Variants in NUDT12 observed in about 807,000 individuals in gnomAD.
NUDT12 encodes NAD-capped RNA hydrolase NUDT12.
NUDT12 carries 42 observed loss-of-function variants against 45.7 expected under a neutral mutation model. The observed-to-expected ratio is 0.92, with a 90% CI of 0.72 to 1.19. The LOEUF (loss-of-function observed/expected upper bound fraction) is 1.19. Among genes scored for constraint, NUDT12 ranks in the 50% most tolerant of loss-of-function variants. The pLI is 0.00. For missense variants in NUDT12, 590 were observed against 533.1 expected (o/e 1.11, Z -1.05); for synonymous variants, 206 against 179.7 (o/e 1.15, Z -1.17).
chr5:103,562,229 C>T (rs1475462399), intron 1 of NUDT12, among the ~76,000 whole-genome samples: 1 of 152,112 alleles, frequency 6.6e-6, no homozygotes, highest in Non-Finnish European at 1.5e-5. Context: ...TCCGCATGCT[C>T]ACACAGACCG....
chr5:103,554,871 CAGATACAT>C lies in NUDT12; in HGVS notation c.965-26_965-19del. 1.1e-6 allele frequency: 1 copy of C among 895,398 alleles called. No homozygotes were observed. Among genetic ancestry groups the C allele is most frequent in the Non-Finnish European group, 1.7e-6 (1 of 583,300 alleles). 55.5% of individuals were successfully genotyped at this position (895,398 alleles called of 1,614,324 possible). A position where few individuals can be genotyped will look rare whatever the true frequency, so the allele number is the denominator to read the frequency against. On this transcript the variant is annotated intron_variant, in intron 4 of 6. Transcript: ENST00000230792. ...TACTGGATCTGTTGAAAAAAAAAAT[CAGATACAT>C]GAATGGCAGGAAAAACGAATTTAGA...
intron 3 of NUDT12, among the ~76,000 whole-genome samples, chr5:103,556,945 G>A (rs372597820): frequency 7.2e-5 from 11 of 151,868 alleles, no homozygotes; most frequent in Non-Finnish European, 1.2e-4. Context: ...ACAACATTAC[G>A]TTTTTGCCTG....
At chr5:103,551,456 G>A (rs1748651627) in intron 6 of NUDT12, among the ~76,000 whole-genome samples, 1 of 152,114 alleles carries the variant, frequency 6.6e-6, no homozygotes, top group African/African-American at 2.4e-5. Flanking sequence ...TTGCTTCACT[G>A]AGTAAGTGAT....
In NUDT12 at chr5:103,549,120, A is replaced by T. The variant is rs1467285582; in HGVS notation, c.*1741T>A. On this transcript the variant is annotated 3_prime_UTR_variant, in exon 7 of 7. Coordinates refer to ENST00000230792, the MANE Select transcript of NUDT12 (RefSeq NM_031438.4). The stretch of plus-strand genomic sequence containing the variant: ...TATTCTACTTTCCTATTTTAACATT[A>T]TGAAAACCTGGAATTTTACAATGTA... 3 of 152,132 alleles carry T rather than the reference A, an allele frequency of 2.0e-5. No homozygotes were observed. The highest frequency in any genetic ancestry group is 2.9e-5 in the Non-Finnish European group (2 of 67,958). The allele number at this position is 152,132 out of a possible 1,614,324, so 9.4% of individuals were successfully genotyped here. A position where few individuals can be genotyped will look rare whatever the true frequency, so the allele number is the denominator to read the frequency against.
At position 103,560,150 on chromosome 5, in the gene NUDT12, A is replaced by G; in HGVS notation, c.99T>C (p.Ser33=). ...GDIAKLTGIL[S]HSPSLLNETS... ...TTTCATTGAGAAGAGATGGAGAATG[A>G]CTGAGTATTCCTGTTAACTTGGCAA... The change falls in exon 2 of 7, where the codon AGT becomes AGC. Residue 33 remains serine (S), a synonymous_variant. Coordinates refer to ENST00000230792, the MANE Select transcript of NUDT12 (RefSeq NM_031438.4). 6.2e-7 allele frequency: 1 copy of G among 1,613,542 alleles called. No individual in the cohort carries two copies. The highest frequency in any genetic ancestry group is 1.1e-5 in the South Asian group (1 of 91,070).
rs1288284873 is a variant in NUDT12, at chr5:103,556,009, C to G, written c.886G>C (p.Gly296Arg). 1 of 1,611,552 alleles carries G rather than the reference C, an allele frequency of 6.2e-7. No individual in the cohort carries two copies. Among genetic ancestry groups the G allele is most frequent in the African/African-American group, 1.3e-5 (1 of 74,770 alleles). Residue 296 changes from glycine to arginine, a missense_variant, in exon 4 of 7, where the codon GGT (glycine) becomes CGT (arginine). By Grantham distance (125) the Gly-to-Arg change is moderately radical. Coordinates refer to ENST00000230792, the MANE Select transcript of NUDT12 (RefSeq NM_031438.4). Reference protein sequence around the residue: ...TCGNATKIEEGGYKRLCLKED... With the variant: ...TCGNATKIEERGYKRLCLKED... ...TTTAAACATAATCTCTTATAGCCAC[C>G]TTCTTCAATTTTAGTTGCATTTCCA...
Position 103,550,613 on chromosome 5 carries a change from AAAG to A in NUDT12, c.*245_*247del. ...TGTGAGATAAAACTGTGAAGGAAGAAAAGAAACCAAGAGAGAAAAAGTTCAGAG... is the reference window on the plus strand; with the variant it reads ...TGTGAGATAAAACTGTGAAGGAAGAAAAACCAAGAGAGAAAAAGTTCAGAG... On this transcript the variant is annotated 3_prime_UTR_variant, in exon 7 of 7. Transcript: ENST00000230792. The A allele has an allele frequency of 3.3e-6, 1 of 305,046 alleles. No individual in the cohort carries two copies. The highest frequency in any genetic ancestry group is 6.7e-5 in the South Asian group (1 of 14,880). The allele number at this position is 305,046 out of a possible 1,614,324, so 18.9% of individuals were successfully genotyped here.
In NUDT12 at chr5:103,562,721, G is replaced by A. The variant is rs1749077749; in HGVS notation, c.-25C>T. The A allele has an allele frequency of 1.4e-5, 2 of 147,164 alleles. No homozygotes were observed. The highest frequency in any genetic ancestry group is 4.3e-4 in the South Asian group (2 of 4,664). The allele number at this position is 147,164 out of a possible 1,614,324, so 9.1% of individuals were successfully genotyped here. The stretch of plus-strand genomic sequence containing the variant: ...TACTAACCCAAAGGTGACCACAGTA[G>A]AGGCAACCAGGATGCAGTCCAAAGA... On this transcript the variant is annotated 5_prime_UTR_variant, in exon 1 of 7. Transcript: ENST00000230792.
rs1748625226 is a variant in NUDT12 at position 103,550,700 on chromosome 5, G to C, written c.*161C>G. 2.1e-6 allele frequency: 1 copy of C among 474,902 alleles called. No homozygotes were observed. The allele number at this position is 474,902 out of a possible 1,614,324, so 29.4% of individuals were successfully genotyped here. ...ATATTGTAAAAATGTGTAAAAATAT[G>C]AATTTGTGATTAAGACAGAACACTT... On this transcript the variant is annotated 3_prime_UTR_variant, in exon 7 of 7. Transcript: ENST00000230792.
intron 6 of NUDT12, among the ~76,000 whole-genome samples, chr5:103,551,815 T>C (rs1379315967): frequency 6.6e-6 from 1 of 152,212 alleles, no homozygotes; most frequent in Non-Finnish European, 1.5e-5. Flanking sequence ...AAAAACTTTC[T>C]GAAAATTTTA....
chr5:103,559,453 A>G lies in NUDT12; in HGVS notation c.222T>C (p.Ile74=), dbSNP rs1291915992. 1 of 1,523,644 alleles carries G rather than the reference A, an allele frequency of 6.6e-7. No homozygotes were observed. Among genetic ancestry groups the G allele is most frequent in the Non-Finnish European group, 8.8e-7 (1 of 1,137,664 alleles). 94.4% of individuals were successfully genotyped at this position (1,523,644 alleles called of 1,614,324 possible). A position where few individuals can be genotyped will look rare whatever the true frequency, so the allele number is the denominator to read the frequency against. Residue 74 remains isoleucine, a synonymous_variant, in exon 3 of 7, where the codon ATT becomes ATC. Coordinates refer to ENST00000230792, the MANE Select transcript of NUDT12 (RefSeq NM_031438.4). ...GTGCAGTCTGCCTTGATTTATTGAC[A>G]ATTGATCTGTCACACCTATAGATGG... ...FLLEKGCDRS[I]VNKSRQTALD...
At chr5:103,551,121 GTT>G (rs370123789) in intron 6 of NUDT12, 150 bp from the exon 7 acceptor site, 366 of 484,436 alleles carry the variant, frequency 7.6e-4, no homozygotes, top group South Asian at 8.9e-4. Flanking sequence ...TACATGCAAA[GTT>G]TTTTTTTTTT....
intron 6 of NUDT12, among the ~76,000 whole-genome samples, chr5:103,551,238 A>G (rs1748646004): frequency 6.6e-6 from 1 of 151,798 alleles, no homozygotes; most frequent in Non-Finnish European, 1.5e-5. Context: ...CTCCTGCCAC[A>G]GCCTCCCAAG....
chr5:103,551,196 T>C (rs2042181), intron 6 of NUDT12, among the ~76,000 whole-genome samples: 59,376 of 151,492 alleles, frequency 0.39, 12,035 homozygotes, highest in Middle Eastern at 0.59. Context: ...TCATGGCTCA[T>C]TGCAGCTTTG....
At position 103,560,175 on chromosome 5, in the gene NUDT12, A is replaced by G. The variant is rs943078647; in HGVS notation, c.74T>C (p.Ile25Thr). ...ACTGAGTATTCCTGTTAACTTGGCA[A>G]TATCTCCTTCAGCAGCTGAACAGTG... The part of the protein sequence containing the change: ...QFHCSAAEGD[I>T]AKLTGILSHS... The change falls in exon 2 of 7, where the codon ATT becomes ACT. Residue 25 changes from isoleucine to threonine, a missense_variant. Physicochemically the swap from Ile to Thr is moderately conservative, Grantham distance 89 (BLOSUM62 -1). Transcript: ENST00000230792. 3 of 1,613,864 alleles carry G rather than the reference A, an allele frequency of 1.9e-6. No homozygotes were observed. Among genetic ancestry groups the G allele is most frequent in the Non-Finnish European group, 2.5e-6 (3 of 1,179,752 alleles).
At position 103,550,812 on chromosome 5, in the gene NUDT12, G is replaced by A. The variant is rs1748630028; in HGVS notation, c.*49C>T. The A allele has an allele frequency of 1.6e-6, 2 of 1,239,082 alleles. No individual in the cohort carries two copies. Among genetic ancestry groups the A allele is most frequent in the South Asian group, 2.4e-5 (2 of 82,462 alleles). The allele number at this position is 1,239,082 out of a possible 1,614,324, so 76.8% of individuals were successfully genotyped here. A position where few individuals can be genotyped will look rare whatever the true frequency, so the allele number is the denominator to read the frequency against. ...TAATCTCTAATATCACTTGAGGAAT[G>A]AGTGTTATTAGAAATTATTAAATAA... On this transcript the variant is annotated 3_prime_UTR_variant, in exon 7 of 7. Coordinates refer to ENST00000230792, the MANE Select transcript of NUDT12 (RefSeq NM_031438.4).
rs997107977 is a variant in NUDT12, at chr5:103,549,794, A to C, written c.*1067T>G. 1.3e-5 allele frequency: 2 copies of C among 152,148 alleles called. No homozygotes were observed. The highest frequency in any genetic ancestry group is 4.8e-5 in the African/African-American group (2 of 41,450). 9.4% of individuals were successfully genotyped at this position (152,148 alleles called of 1,614,324 possible). A position where few individuals can be genotyped will look rare whatever the true frequency, so the allele number is the denominator to read the frequency against. On this transcript the variant is annotated 3_prime_UTR_variant, in exon 7 of 7. Coordinates refer to ENST00000230792, the MANE Select transcript of NUDT12 (RefSeq NM_031438.4). ...AAAATGTGACTTTCTATGTTGCAAA[A>C]TTGTGAACTACTATGTTTTGCTTTC...
At chr5:103,554,544 A>C (rs183876788) in intron 5 of NUDT12, 196 bp downstream of exon 5, 421 of 292,326 alleles carry the variant, frequency 1.4e-3, no homozygotes, top group Middle Eastern at 3.1e-3. Context: ...ATTACTAGGA[A>C]AAGTAATTTA....
intron 3 of NUDT12, among the ~76,000 whole-genome samples, chr5:103,556,329 C>A (rs887343354): frequency 1.3e-5 from 2 of 151,930 alleles, no homozygotes; most frequent in Non-Finnish European, 2.9e-5. Flanking sequence ...GATAGACATA[C>A]TGACATCTAT....
Sources: gnomAD v4.1 joint callset for allele counts (sites outside exome capture counted in the v4.1 genomes callset) on GRCh38, gnomAD v4.1.1 for gene constraint, MANE v1.5 for transcripts, NCBI Gene and HGNC (gene_info 2026-07-23, HGNC 2026-07-21) for gene names.